EFHC2: variants seen among roughly 807,000 people sequenced by gnomAD.
EFHC2 encodes EF-hand domain-containing family member C2.
In EFHC2, 18 loss-of-function variants were observed where a neutral mutation model predicts 52.7. That is an observed-to-expected ratio of 0.34 (90% CI 0.24 to 0.51). The LOEUF is 0.51. Ranked by LOEUF, EFHC2 falls within the 20% of genes least tolerant of loss-of-function variation. EFHC2 has a pLI of 0.97. For synonymous variants in EFHC2, 203 were observed against 204.1 expected (o/e 0.99, Z 0.04); for missense variants, 513 against 562.5 (o/e 0.91, Z 0.89).
At chrX:44,189,270 C>T (rs1313061825) in intron 11 of EFHC2, among the ~76,000 whole-genome samples, 1 of 111,292 alleles carries the variant, frequency 9.0e-6, no homozygotes, top group Non-Finnish European at 1.9e-5. Context: ...CTCATTTAAC[C>T]CTCATGACAA....
At chrX:44,164,430 T>C (rs1463829997) in intron 13 of EFHC2, among the ~76,000 whole-genome samples, 3 of 112,526 alleles carry the variant, frequency 2.7e-5, no homozygotes, top group African/African-American at 9.7e-5. Flanking sequence ...TTCAATTGCA[T>C]ACCTTTTAAA....
intron 1 of EFHC2, among the ~76,000 whole-genome samples, chrX:44,342,747 G>A (rs1289675778): frequency 9.2e-6 from 1 of 109,002 alleles, no homozygotes; most frequent in Non-Finnish European, 1.9e-5. Flanking sequence ...GTGGTGGCGG[G>A]CGCCTGTAAT....
chrX:44,257,143 G>A (rs1012372714), intron 4 of EFHC2, among the ~76,000 whole-genome samples: 3 of 110,698 alleles, frequency 2.7e-5, no homozygotes, highest in African/African-American at 6.6e-5. Flanking sequence ...TTGATGGAAC[G>A]TATCTCAAAA....
At chrX:44,192,253 T>G (rs905610357) in intron 11 of EFHC2, among the ~76,000 whole-genome samples, 1 of 111,957 alleles carries the variant, frequency 8.9e-6, no homozygotes, top group Non-Finnish European at 1.9e-5. Flanking sequence ...ATTTTTTGTT[T>G]TCTTAAAGGT....
At chrX:44,340,836 G>T (rs181283784) in intron 1 of EFHC2, among the ~76,000 whole-genome samples, 1 of 112,081 alleles carries the variant, frequency 8.9e-6, no homozygotes, top group Admixed American at 9.5e-5. Flanking sequence ...AAAGAATGTG[G>T]AGCAACAGGA....
chrX:44,214,238 G>A (rs933388048), intron 11 of EFHC2, among the ~76,000 whole-genome samples: 1 of 111,924 alleles, frequency 8.9e-6, no homozygotes, highest in Non-Finnish European at 1.9e-5. Flanking sequence ...AGGAAACTCA[G>A]AGAACAACAG....
At chrX:44,315,351 C>T (rs1280015261) in intron 1 of EFHC2, among the ~76,000 whole-genome samples, 2 of 110,422 alleles carry the variant, frequency 1.8e-5, no homozygotes, top group Admixed American at 9.7e-5. Flanking sequence ...TATAGCAACA[C>T]GAGAACAGCC....
At chrX:44,167,094 C>A (rs1223350540) in intron 13 of EFHC2, among the ~76,000 whole-genome samples, 1 of 111,689 alleles carries the variant, frequency 9.0e-6, no homozygotes, top group African/African-American at 3.3e-5. Context: ...TTTATAAGAC[C>A]CAACTTAATC....
At chrX:44,231,612 C>A (rs1413942215) in intron 10 of EFHC2, among the ~76,000 whole-genome samples, 1 of 110,241 alleles carries the variant, frequency 9.1e-6, no homozygotes, top group African/African-American at 3.3e-5. Flanking sequence ...GCGTCTGCTT[C>A]TCAGAGGATC....
chrX:44,249,437 G>A (rs1307616445), intron 5 of EFHC2, among the ~76,000 whole-genome samples: 2 of 109,005 alleles, frequency 1.8e-5, no homozygotes, highest in East Asian at 2.9e-4. Flanking sequence ...CTTAGATGGT[G>A]TTTTTTTGGT....
intron 4 of EFHC2, among the ~76,000 whole-genome samples, chrX:44,250,830 AAAAAAAAAAAAAG>A (rs2037437761): frequency 1.8e-5 from 2 of 108,320 alleles, no homozygotes; most frequent in Non-Finnish European, 3.8e-5. Flanking sequence ...ATTTCGAAAA[AAAAAAAAAAAAAG>A]AAAAGAAAAC....
intron 10 of EFHC2, among the ~76,000 whole-genome samples, chrX:44,231,941 C>CA (rs749262175): frequency 9.9e-4 from 104 of 104,917 alleles, no homozygotes; most frequent in African/African-American, 2.2e-3. Flanking sequence ...CATCTTATTT[C>CA]AAAAAAAAAA....
rs190142160 is a variant in EFHC2, at chrX:44,239,767, T to C, written c.1280+2354A>G. Among the ~76,000 whole-genome samples the C allele has an allele frequency of 1.6e-3, 183 of 112,031 alleles. 1 individual carries two copies. The highest frequency in any genetic ancestry group is 5.6e-3 in the African/African-American group (174 of 30,884). ...TATGAGTAATCAGTAATAGTAGTAA[T>C]ATTATTATTAGAAATATAATCAACA... is the stretch of plus-strand genomic sequence containing the variant. On this transcript the variant is annotated intron_variant, in intron 8 of 14. Transcript: ENST00000420999.
intron 11 of EFHC2, among the ~76,000 whole-genome samples, chrX:44,190,648 G>C (rs2036912582): frequency 9.0e-6 from 1 of 110,537 alleles, no homozygotes; most frequent in Non-Finnish European, 1.9e-5. Context: ...AAATATAGCA[G>C]GTTCTTGAAT....
intron 3 of EFHC2, among the ~76,000 whole-genome samples, chrX:44,269,675 T>C (rs2037603377): frequency 1.8e-5 from 2 of 111,193 alleles, no homozygotes; most frequent in Non-Finnish European, 3.8e-5. Context: ...CCTCACCAGA[T>C]GCAGAAGCTG....
intron 11 of EFHC2, among the ~76,000 whole-genome samples, chrX:44,186,591 T>G (rs2147285376): frequency 9.0e-6 from 1 of 111,490 alleles, no homozygotes; most frequent in African/African-American, 3.3e-5. Context: ...CCCGATGGTT[T>G]AGAGGCCTAC....
intron 2 of EFHC2, among the ~76,000 whole-genome samples, chrX:44,289,989 G>A (rs1051480672): frequency 4.5e-5 from 5 of 112,048 alleles, no homozygotes; most frequent in African/African-American, 6.5e-5. Flanking sequence ...CCCGGTCTAC[G>A]TCTTTCTGTA....
At chrX:44,167,619 T>C (rs1433213548) in intron 13 of EFHC2, among the ~76,000 whole-genome samples, 1 of 112,150 alleles carries the variant, frequency 8.9e-6, no homozygotes, top group African/African-American at 3.2e-5. Context: ...AAAAGTTTTT[T>C]GAGAAAAAAT....
At chrX:44,258,397 C>G (rs1216827687) in intron 4 of EFHC2, among the ~76,000 whole-genome samples, 10 of 105,671 alleles carry the variant, frequency 9.5e-5, no homozygotes, top group Admixed American at 7.2e-4. Context: ...TGACAAAGGG[C>G]TAATATCCAG....
Sources: gnomAD v4.1 joint callset for allele counts (sites outside exome capture counted in the v4.1 genomes callset) on GRCh38, gnomAD v4.1.1 for gene constraint, MANE v1.5 for transcripts, NCBI Gene and HGNC (gene_info 2026-07-23, HGNC 2026-07-21) for gene names.